NCK1: variants seen among roughly 807,000 people sequenced by gnomAD.
NCK1 encodes the protein NCK adaptor protein 1, also known as SH2/SH3 adapter protein NCK1.
NCK1 carries 19 observed loss-of-function variants against 36.6 expected under a neutral mutation model. That is an observed-to-expected ratio of 0.52 (90% CI 0.36 to 0.76). The LOEUF is 0.76. NCK1 is among the 30% of genes least tolerant of loss of function. NCK1 has a pLI of 0.00. For missense variants in NCK1, 358 were observed against 445.6 expected, an observed-to-expected ratio of 0.80 and a Z score of 1.77; for synonymous variants, 165 against 156.0, an observed-to-expected ratio of 1.06 and a Z score of -0.43.
rs182036094 is a variant in NCK1 at position 136,872,289 on chromosome 3, C to T, written c.-19+9936C>T. 1.3e-3 allele frequency among the ~76,000 whole-genome samples: 195 copies of T among 152,272 alleles called. 1 individual carries two copies. The highest frequency in any genetic ancestry group is 3.4e-3 in the Middle Eastern group (1 of 294). On this transcript the variant is annotated intron_variant, in intron 1 of 3. Transcript: ENST00000481752. ...TTGTTGGGAACTGGAGCAAAGGTGA[C>T]TCTTGTTATGTTTTAGCAAAGAAAC...
intron 2 of NCK1, among the ~76,000 whole-genome samples, chr3:136,932,118 CAAAAA>C (rs1288026754): frequency 3.4e-5 from 2 of 59,314 alleles, no homozygotes. Flanking sequence ...GACTCCATCT[CAAAAA>C]AAAAAAAAAA....
At chr3:136,940,042 T>C (rs1033771242) in intron 2 of NCK1, among the ~76,000 whole-genome samples, 42 of 152,030 alleles carry the variant, frequency 2.8e-4, no homozygotes, top group African/African-American at 9.4e-4. Flanking sequence ...CTTTTTATTT[T>C]TGTAGAGACA....
Position 136,949,202 on chromosome 3 carries a change from A to T in NCK1, c.*749A>T, listed in dbSNP as rs1257485694. 1.3e-5 allele frequency: 2 copies of T among 152,030 alleles called. No homozygotes were observed. Among genetic ancestry groups the T allele is most frequent in the African/African-American group, 4.8e-5 (2 of 41,438 alleles). 9.4% of individuals were successfully genotyped at this position (152,030 alleles called of 1,614,324 possible). A position where few individuals can be genotyped will look rare whatever the true frequency, so the allele number is the denominator to read the frequency against. ...ATTTAGCTTTTCAAACTGTAAATAG[A>T]TGCTCTAGTGTTATTTATTTTTTTA... is the stretch of plus-strand genomic sequence containing the variant. On this transcript the variant is annotated 3_prime_UTR_variant, in exon 4 of 4. Transcript: ENST00000481752.
chr3:136,927,611 T>G lies in NCK1; in HGVS notation c.-18-373T>G, dbSNP rs1015108579. Among the ~76,000 whole-genome samples the G allele has an allele frequency of 2.0e-5, 3 of 152,130 alleles. No homozygotes were observed. In the East Asian group the frequency reaches 5.8e-4, roughly 29 times the overall value. ...ATATCGGCTCACTGCAACCTTCGCC[T>G]CCCAGGTTCAAGCTATTCCCATGCC... is the stretch of plus-strand genomic sequence containing the variant. On this transcript the variant is annotated intron_variant, in intron 1 of 3. Transcript: ENST00000481752.
At chr3:136,930,715 G>T (rs1940369025) in intron 2 of NCK1, 3 of 776,338 alleles carry the variant, frequency 3.9e-6, no homozygotes, top group Non-Finnish European at 5.3e-6. Flanking sequence ...TACATTATGT[G>T]TATGTAATAT....
At chr3:136,912,329 A>G (rs897205896) in intron 1 of NCK1, among the ~76,000 whole-genome samples, 1 of 151,560 alleles carries the variant, frequency 6.6e-6, no homozygotes, top group Admixed American at 6.6e-5. Context: ...CGCCTGGCTG[A>G]TTTTTGTGTT....
At chr3:136,914,369 C>T (rs1051005011) in intron 1 of NCK1, among the ~76,000 whole-genome samples, 1 of 152,174 alleles carries the variant, frequency 6.6e-6, no homozygotes, top group African/African-American at 2.4e-5. Context: ...TTCCCTGGAA[C>T]TTGCAAGCCT....
At position 136,951,162 on chromosome 3, in the gene NCK1, G is replaced by C. The variant is rs1240362141; in HGVS notation, c.*2709G>C. Among the ~76,000 whole-genome samples the C allele has an allele frequency of 6.6e-6, 1 of 152,148 alleles. No individual in the cohort carries two copies. Among genetic ancestry groups the C allele is most frequent in the Admixed American group, 6.6e-5 (1 of 15,264 alleles). ...AATAAGGTCATTCTTGCAGAATATG[G>C]CACTTAAATTATCTCCAGCTGTAAT... On this transcript the variant is annotated 3_prime_UTR_variant, in exon 4 of 4. Coordinates refer to ENST00000481752, the MANE Select transcript of NCK1 (RefSeq NM_001291999.2).
intron 1 of NCK1, among the ~76,000 whole-genome samples, chr3:136,884,473 G>C (rs1939023293): frequency 1.3e-5 from 2 of 152,068 alleles, no homozygotes; most frequent in Admixed American, 1.3e-4. Flanking sequence ...ACACGGTCCT[G>C]CTCTGTGGCC....
At chr3:136,885,658 C>A (rs780924907) in intron 1 of NCK1, among the ~76,000 whole-genome samples, 7 of 152,192 alleles carry the variant, frequency 4.6e-5, no homozygotes, top group Non-Finnish European at 1.0e-4. Context: ...GATATTAATA[C>A]TGATTGTATC....
Position 136,946,060 on chromosome 3 carries a change from T to C in NCK1, c.704T>C (p.Ile235Thr). ...CCAGAGTGGTGGAAATGCAGGAAGA[T>C]CAATGGTATGGTTGGTCTAGTACCA... Reference protein sequence around the residue: ...NDPEWWKCRKINGMVGLVPKN... With the variant: ...NDPEWWKCRKTNGMVGLVPKN... The change falls in exon 3 of 4, where the codon ATC becomes ACC. Residue 235 changes from isoleucine to threonine, a missense_variant. Physicochemically the swap from Ile to Thr is moderately conservative, Grantham distance 89. Transcript: ENST00000481752. 6.2e-7 allele frequency: 1 copy of C among 1,613,908 alleles called. No homozygotes were observed. The highest frequency in any genetic ancestry group is 1.1e-5 in the South Asian group (1 of 91,078).
At chr3:136,873,806 T>C (rs986744964) in intron 1 of NCK1, among the ~76,000 whole-genome samples, 2 of 152,186 alleles carry the variant, frequency 1.3e-5, no homozygotes, top group African/African-American at 4.8e-5. Context: ...GCACAAGCTC[T>C]CTTGTCTGCC....
rs193126828 is a variant in NCK1, at chr3:136,947,204, T to G, written c.939+909T>G. Among the ~76,000 whole-genome samples, 374 of 152,240 alleles carry G rather than the reference T, an allele frequency of 2.5e-3. 1 individual carries two copies. The highest frequency in any genetic ancestry group is 7.7e-3 in the African/African-American group (321 of 41,560). On this transcript the variant is annotated intron_variant, in intron 3 of 3. Transcript: ENST00000481752. ...TGTGCCTAATCCCTCAGAAAAGCAG[T>G]TGGTTGGCAGTAGGGAAGAGTGATG...
intron 1 of NCK1, among the ~76,000 whole-genome samples, chr3:136,903,297 T>C (rs920520119): frequency 7.9e-5 from 12 of 152,352 alleles, no homozygotes; most frequent in African/African-American, 2.9e-4. Context: ...TCTGTTTGCA[T>C]GGAATATCTT....
chr3:136,905,496 G>T (rs1939660095), intron 1 of NCK1, among the ~76,000 whole-genome samples: 1 of 151,686 alleles, frequency 6.6e-6, no homozygotes, highest in Non-Finnish European at 1.5e-5. Context: ...CAGGTGATCT[G>T]CCTGCCTCAG....
chr3:136,916,625 AGTTT>A (rs1939971138), intron 1 of NCK1, among the ~76,000 whole-genome samples: 1 of 152,200 alleles, frequency 6.6e-6, no homozygotes, highest in Non-Finnish European at 1.5e-5. Flanking sequence ...TCTCTGTGTT[AGTTT>A]GTGTATGTTG....
intron 1 of NCK1, among the ~76,000 whole-genome samples, chr3:136,881,658 A>G (rs946568408): frequency 5.3e-5 from 8 of 152,214 alleles, no homozygotes; most frequent in Non-Finnish European, 8.8e-5. Context: ...CTGAAACTGT[A>G]TACATACTAA....
At chr3:136,915,473 G>A (rs545218350) in intron 1 of NCK1, among the ~76,000 whole-genome samples, 1 of 152,308 alleles carries the variant, frequency 6.6e-6, no homozygotes, top group African/African-American at 2.4e-5. Flanking sequence ...AAGTAAGAAT[G>A]TACGGAGTGT....
At chr3:136,934,575 C>T (rs530059676) in intron 2 of NCK1, among the ~76,000 whole-genome samples, 11 of 152,218 alleles carry the variant, frequency 7.2e-5, no homozygotes, top group African/African-American at 1.4e-4. Flanking sequence ...TGTGCACCAC[C>T]GCGCCTGTCC....
Sources: gnomAD v4.1 joint callset for allele counts (sites outside exome capture counted in the v4.1 genomes callset) on GRCh38, gnomAD v4.1.1 for gene constraint, MANE v1.5 for transcripts, NCBI Gene and HGNC (gene_info 2026-07-23, HGNC 2026-07-21) for gene names.